XPA: variants seen among roughly 807,000 people sequenced by gnomAD.
XPA encodes DNA repair protein complementing XP-A cells.
XPA carries 27 observed loss-of-function variants against 35.7 expected under a neutral mutation model. The ratio of observed to expected loss-of-function variants is 0.76; its 90% confidence interval spans 0.56 to 1.04. The LOEUF is 1.04. Among genes scored for constraint, XPA ranks in the 50% least tolerant of loss-of-function variants. The pLI is 0.00. For synonymous variants in XPA, 133 were observed against 118.4 expected, an observed-to-expected ratio of 1.12 and a Z score of -0.80; for missense variants, 354 against 342.7, an observed-to-expected ratio of 1.03 and a Z score of -0.26.
At chr9:97,655,315 ATCC>A in the XPA span, among the ~76,000 whole-genome samples, 1 of 152,172 alleles carries the variant, frequency 6.6e-6, no homozygotes, top group Non-Finnish European at 1.5e-5. Flanking sequence ...GGCTCAAGCA[ATCC>A]TCCTGCCTTA....
chr9:97,669,951 C>G, downstream of XPA: 1 of 507,398 alleles, frequency 2.0e-6, no homozygotes, highest in Non-Finnish European at 3.5e-6. Context: ...GAGATGGCAT[C>G]TCACTCTGTT....
At chr9:97,657,451 T>C in the XPA span, among the ~76,000 whole-genome samples, 1 of 152,220 alleles carries the variant, frequency 6.6e-6, no homozygotes, top group Non-Finnish European at 1.5e-5. Context: ...TTGTTAATGC[T>C]CTTGGTGTGT....
chr9:97,681,771 T>C (rs570359121), intron 5 of XPA, among the ~76,000 whole-genome samples: 2 of 152,330 alleles, frequency 1.3e-5, no homozygotes, highest in South Asian at 4.1e-4. Flanking sequence ...ATTTCTGTAA[T>C]GTGTAACAGT....
chr9:97,685,135 C>T, intron 4 of XPA, 95 bp from the exon 5 acceptor site: 1 of 909,444 alleles, frequency 1.1e-6, no homozygotes, highest in Non-Finnish European at 1.7e-6. Flanking sequence ...AAAGAATGAT[C>T]TAACTCAAGT....
chr9:97,691,886 A>AATAT (rs55944336), intron 2 of XPA, among the ~76,000 whole-genome samples: 3,130 of 124,534 alleles, frequency 0.025, 46 homozygotes, highest in Non-Finnish European at 0.029. Flanking sequence ...TTTCTAAATA[A>AATAT]ATATATATAT....
At chr9:97,661,973 C>T in the XPA span, 11,491 of 1,059,174 alleles carry the variant, frequency 0.011, 684 homozygotes, top group Admixed American at 0.11. Context: ...ATCTATTTAG[C>T]ATTTGAGGTA....
At chr9:97,694,031 CAATTAG>C (rs1757792708) in intron 1 of XPA, among the ~76,000 whole-genome samples, 1 of 152,200 alleles carries the variant, frequency 6.6e-6, no homozygotes, top group African/African-American at 2.4e-5. Context: ...CAAGAATCTA[CAATTAG>C]AATTAAGAAA....
the XPA span, chr9:97,664,407 G>C: frequency 6.2e-7 from 1 of 1,612,280 alleles, no homozygotes. Context: ...GTAGCAAATT[G>C]GATCTTCTCT....
At chr9:97,666,428 A>C in the XPA span, among the ~76,000 whole-genome samples, 1 of 152,198 alleles carries the variant, frequency 6.6e-6, no homozygotes, top group Non-Finnish European at 1.5e-5. Flanking sequence ...TTAGGAGAGG[A>C]AAAATGTATT....
chr9:97,672,481 C>T (rs915004085), downstream of XPA: 3 of 152,116 alleles, frequency 2.0e-5, no homozygotes, highest in Admixed American at 1.3e-4. Flanking sequence ...TACAAAATAT[C>T]CAGAAAAATC....
the XPA span, chr9:97,669,613 C>T: frequency 3.4e-5 from 54 of 1,610,202 alleles, no homozygotes; most frequent in African/African-American, 9.4e-5. Flanking sequence ...TGATCTTGAC[C>T]GAGCACCTAG....
chr9:97,689,128 T>C (rs1166504583), intron 3 of XPA, among the ~76,000 whole-genome samples: 1 of 152,212 alleles, frequency 6.6e-6, no homozygotes, highest in African/African-American at 2.4e-5. Flanking sequence ...TCGGAGCTAC[T>C]GTCCTTTCAC....
rs2131406052 is a variant in XPA, at chr9:97,693,695, C to T, written c.237G>A (p.Glu79=). 1 of 1,613,456 alleles carries T rather than the reference C, an allele frequency of 6.2e-7. No individual in the cohort carries two copies. The highest frequency in any genetic ancestry group is 8.5e-7 in the Non-Finnish European group (1 of 1,179,918). ...IDTGGGFILE[E]EEEEEQKIGK... ...CAATTTTCTGTTCTTCTTCTTCTTC[C>T]TCTTCTAAAATGAAGCCTCCTCCTG... Residue 79 remains glutamate, a synonymous_variant, in exon 2 of 6, where the codon GAG becomes GAA. Coordinates refer to ENST00000375128, the MANE Select transcript of XPA (RefSeq NM_000380.4).
At chr9:97,670,226 G>A (rs2773354), downstream of XPA, 32,646 of 189,348 alleles carry the variant, frequency 0.17, 3,093 homozygotes, top group African/African-American at 0.22. Context: ...TCTCCTAATT[G>A]TCATTTTCTA....
downstream of XPA, among the ~76,000 whole-genome samples, chr9:97,670,282 T>C (rs552491846): frequency 5.3e-5 from 8 of 152,266 alleles, no homozygotes; most frequent in African/African-American, 1.9e-4. Context: ...GACAAAAATA[T>C]CAAGAGGACA....
the XPA span, among the ~76,000 whole-genome samples, chr9:97,663,936 T>C: frequency 1.3e-5 from 2 of 151,580 alleles, no homozygotes; most frequent in Non-Finnish European, 2.9e-5. Flanking sequence ...CCTAGCACTT[T>C]GGGAGGCCGA....
intron 5 of XPA, among the ~76,000 whole-genome samples, chr9:97,678,757 T>C (rs1828449058): frequency 6.6e-6 from 1 of 152,152 alleles, no homozygotes; most frequent in Non-Finnish European, 1.5e-5. Flanking sequence ...GAATTACCAC[T>C]GAGGGCTGAT....
chr9:97,664,475 C>A, the XPA span: 1 of 1,439,956 alleles, frequency 6.9e-7, no homozygotes, highest in Non-Finnish European at 9.7e-7. Flanking sequence ...AACTTGTGTT[C>A]CCTAAGAATT....
At chr9:97,691,810 G>A (rs1828897347) in intron 2 of XPA, among the ~76,000 whole-genome samples, 1 of 151,256 alleles carries the variant, frequency 6.6e-6, no homozygotes, top group Admixed American at 6.6e-5. Flanking sequence ...TTGAACCCAG[G>A]AGGTGGAGGT....
Sources: gnomAD v4.1 joint callset for allele counts (sites outside exome capture counted in the v4.1 genomes callset) on GRCh38, gnomAD v4.1.1 for gene constraint, MANE v1.5 for transcripts, NCBI Gene and HGNC (gene_info 2026-07-23, HGNC 2026-07-21) for gene names.